TTN: variants seen among roughly 807,000 people sequenced by gnomAD.
TTN encodes the protein connectin.
A neutral mutation model predicts 3,223.0 loss-of-function variants in TTN; 1,525 were observed. The observed-to-expected ratio is 0.47, with a 90% CI of 0.45 to 0.49. The LOEUF is 0.49. Among genes scored for constraint, TTN ranks in the 20% least tolerant of loss-of-function variants. TTN has a pLI of 0.00. For missense variants in TTN, 40,786 were observed against 43,424.0 expected, an observed-to-expected ratio of 0.94 and a Z score of 5.40; for synonymous variants, 14,094 against 15,161.0, an observed-to-expected ratio of 0.93 and a Z score of 5.17.
Position 178,689,059 on chromosome 2 carries a change from G to T in TTN, c.32089C>A (p.Pro10697Thr), listed in dbSNP as rs762542716. Residue 10697 changes from proline (P) to threonine (T), a missense_variant, in exon 125 of 363, where the codon CCC becomes ACC. Transcript: ENST00000589042. ...PVPVAKKAPP[P>T]RAEVSKKTVV... ...GGATTGAGGCAAATCCTACCTCGGGGAGGAGGAGCTTTCTTAGCGACAGGA... is the reference window on the plus strand; with the variant it reads ...GGATTGAGGCAAATCCTACCTCGGGTAGGAGGAGCTTTCTTAGCGACAGGA... 6 of 1,609,376 alleles carry T rather than the reference G, an allele frequency of 3.7e-6. No individual in the cohort carries two copies. Among genetic ancestry groups the T allele is most frequent in the Non-Finnish European group, 5.1e-6 (6 of 1,178,542 alleles).
chr2:178,557,622 G>C (rs757249211), intron 328 of TTN, 26 bp downstream of exon 328: 5 of 1,612,636 alleles, frequency 3.1e-6, no homozygotes, highest in Non-Finnish European at 3.4e-6. Flanking sequence ...AGAAAACCTG[G>C]ATCTTTGAAA....
chr2:178,650,194 C>A lies in TTN; in HGVS notation c.39787G>T (p.Glu13263Ter), dbSNP rs867051092. Residue 13263 changes from glutamate to a stop codon, truncating the protein, a stop_gained, in exon 210 of 363, where the codon GAG becomes TAG. Transcript: ENST00000589042. LOFTEE classifies it high-confidence loss of function. ...EEEKPVPVAE[E>*]EEPEVPPPAV... ...GGAGGTGGAACCTCTGGTTCCTCCT[C>A]TTCTGCAACAGGAACTGGCTTTTCC... 1.9e-6 allele frequency: 3 copies of A among 1,593,710 alleles called. No homozygotes were observed. Among genetic ancestry groups the A allele is most frequent in the Non-Finnish European group, 1.7e-6 (2 of 1,168,882 alleles).
rs185201886 is a variant in TTN, at chr2:178,696,346, T to A, written c.30803-77A>T. On this transcript the variant is annotated intron_variant, in intron 113 of 362. Transcript: ENST00000589042. ...TTCACTAAACAAAAATCTACCTAGTTAAACAACATCAGTATTTCAGATCTA... is the reference window on the plus strand; with the variant it reads ...TTCACTAAACAAAAATCTACCTAGTAAAACAACATCAGTATTTCAGATCTA... 11 of 1,182,520 alleles carry A rather than the reference T, an allele frequency of 9.3e-6. No homozygotes were observed. In the African/African-American group the frequency reaches 1.1e-4, roughly 12 times the overall value. 73.3% of individuals were successfully genotyped at this position (1,182,520 alleles called of 1,614,324 possible).
chr2:178,770,937 C>T, intron 34 of TTN: 2 of 771,376 alleles, frequency 2.6e-6, no homozygotes, highest in Non-Finnish European at 4.5e-6. Context: ...GCATAATAGA[C>T]TGATTGGAGA....
intron 250 of TTN, 145 bp downstream of exon 250, chr2:178,619,476 G>A (rs1176226895): frequency 2.1e-6 from 2 of 975,534 alleles, no homozygotes; most frequent in Middle Eastern, 3.0e-4. Context: ...TTACTTTGTA[G>A]TGAGCAAAAT....
At chr2:178,700,974 C>CTAA (rs1361450204) in intron 111 of TTN, 146 bp downstream of exon 111, 2 of 537,896 alleles carry the variant, frequency 3.7e-6, no homozygotes, top group African/African-American at 3.8e-5. Flanking sequence ...ATTTAGTTAG[C>CTAA]TAATACTTTG....
rs368527444 is a variant in TTN at position 178,633,080 on chromosome 2, A to T, written c.43087-36T>A. ...TGAGGGTTAGAAGGAAAGAAAGAAC[A>T]TCATTTATATAGTTATTCCTACAAA... On this transcript the variant is annotated intron_variant, in intron 233 of 362. Coordinates refer to ENST00000589042, the MANE Select transcript of TTN (RefSeq NM_001267550.2). 4.1e-4 allele frequency: 652 copies of T among 1,605,646 alleles called. 6 individuals carry two copies. In the South Asian group the frequency reaches 6.4e-3, roughly 16 times the overall value.
chr2:178,794,784 T>G, intron 7 of TTN, 138 bp downstream of exon 7: 5 of 1,196,320 alleles, frequency 4.2e-6, no homozygotes, highest in Non-Finnish European at 4.8e-6. Context: ...ACTACTGAAT[T>G]TGGTCTTCAG....
chr2:178,758,579 A>T lies in TTN; in HGVS notation c.10303+405T>A, dbSNP rs1309969341. Among the ~76,000 whole-genome samples, 4 of 152,202 alleles carry T rather than the reference A, an allele frequency of 2.6e-5. 1 individual carries two copies. Among genetic ancestry groups the T allele is most frequent in the Middle Eastern group, 6.4e-3 (2 of 314 alleles). On this transcript the variant is annotated intron_variant, in intron 44 of 362. Transcript: ENST00000589042. ...AAACGGTCTAGCTTTTGTGAAATCA[A>T]AATTGTGTCAGCATGATAGGAGGAT...
chr2:178,740,997 A>G lies in TTN; in HGVS notation c.12236T>C (p.Ile4079Thr), dbSNP rs1380207275. The part of the protein sequence containing the change: ...QEIATFVKDT[I>T]LKAALITEEN... ...TTCTGTAATTAAAGCAGCTTTCAAA[A>G]TGGTGTCTTTTACAAACGTTGCAAT... The change falls in exon 48 of 363, where the codon ATT becomes ACT. Residue 4079 changes from isoleucine to threonine, a missense_variant. Ile to Thr is a moderately conservative substitution (Grantham distance 89). Coordinates refer to ENST00000589042, the MANE Select transcript of TTN (RefSeq NM_001267550.2). The G allele has an allele frequency of 6.2e-7, 1 of 1,613,824 alleles. No individual in the cohort carries two copies. The highest frequency in any genetic ancestry group is 1.3e-5 in the African/African-American group (1 of 74,932).
chr2:178,706,091 G>A (rs551239071), intron 102 of TTN, among the ~76,000 whole-genome samples: 1 of 152,248 alleles, frequency 6.6e-6, no homozygotes, highest in South Asian at 2.1e-4. Flanking sequence ...TCTGAATCTT[G>A]AGATGGATGG....
At position 178,739,441 on chromosome 2, in the gene TTN, C is replaced by G. The variant is rs572291971; in HGVS notation, c.13792G>C (p.Gly4598Arg). The change falls in exon 48 of 363, where the codon GGT (glycine) becomes CGT (arginine). Residue 4598 changes from glycine (G) to arginine (R), a missense_variant. Gly to Arg is a moderately radical substitution (Grantham distance 125). Transcript: ENST00000589042. The part of the protein sequence containing the change: ...VATVKIQEAE[G>R]GLIKEDGPMI... ...GGGCCATCCTCTTTGATTAAGCCACCCTCAGCTTCCTGTATCTTTACTGTA... is the reference window on the plus strand; with the variant it reads ...GGGCCATCCTCTTTGATTAAGCCACGCTCAGCTTCCTGTATCTTTACTGTA... 5.6e-6 allele frequency: 9 copies of G among 1,613,740 alleles called. No individual in the cohort carries two copies. The Admixed American group carries it at 1.5e-4, about 27-fold the overall frequency.
In TTN at chr2:178,721,894, G is replaced by T. The variant is rs1486219064; in HGVS notation, c.22769C>A (p.Thr7590Asn). 1 of 1,613,056 alleles carries T rather than the reference G, an allele frequency of 6.2e-7. No homozygotes were observed. The highest frequency in any genetic ancestry group is 8.5e-7 in the Non-Finnish European group (1 of 1,179,416). The change falls in exon 78 of 363, where the codon ACC becomes AAC. Residue 7590 changes from threonine to asparagine, a missense_variant. Transcript: ENST00000589042. ...GDSGQYTCQA[T>N]NDVGKDMCSA... ...GCACATGTCTTTGCCAACATCATTGGTTGCTTGGCAAGTATATTGACCAGA... is the reference window on the plus strand; with the variant it reads ...GCACATGTCTTTGCCAACATCATTGTTTGCTTGGCAAGTATATTGACCAGA...
chr2:178,769,080 A>G (rs1229986547), intron 37 of TTN, 147 bp from the exon 38 acceptor site: 10 of 905,410 alleles, frequency 1.1e-5, no homozygotes, highest in Non-Finnish European at 1.5e-5. Flanking sequence ...GATACCTTCC[A>G]TGTACTATAC....
rs397517487 is a variant in TTN, at chr2:178,730,712, T to C, written c.17821A>G (p.Ile5941Val). ...IKGSFIDLEC[I>V]VAGSHPISIQ... ...CTTATGGGATGTGACCCAGCCACTA[T>C]ACATTCTAAATCAATGAAAGAACCT... The change falls in exon 61 of 363, where the codon ATA becomes GTA. Residue 5941 changes from isoleucine (I) to valine (V), a missense_variant. By Grantham distance (29) the Ile-to-Val change is conservative. Transcript: ENST00000589042. 1.9e-5 allele frequency: 31 copies of C among 1,613,654 alleles called. No homozygotes were observed. In the African/African-American group the frequency reaches 2.3e-4, roughly 12 times the overall value.
In TTN at chr2:178,709,600, G is replaced by A. The variant is rs1227197407; in HGVS notation, c.28719C>T (p.Gly9573=). 4 of 1,613,742 alleles carry A rather than the reference G, an allele frequency of 2.5e-6. No homozygotes were observed. The highest frequency in any genetic ancestry group is 3.4e-6 in the Non-Finnish European group (4 of 1,179,660). ...LYTCKVSNDA[G]SALCTSSIVI... ...CGATTGAAGACGTGCACAGAGCAGA[G>A]CCTGCATCATTGGACACTTTGCATG... The change falls in exon 99 of 363, where the codon GGC becomes GGT. Residue 9573 remains glycine, a synonymous_variant. Coordinates refer to ENST00000589042, the MANE Select transcript of TTN (RefSeq NM_001267550.2).
chr2:178,633,742 G>T (rs1369568790), intron 231 of TTN, 66 bp from the exon 232 acceptor site: 31 of 1,604,868 alleles, frequency 1.9e-5, no homozygotes, highest in Admixed American at 3.5e-5. Flanking sequence ...AGAGTAAAAG[G>T]TTGCAAAATA....
rs991282929 is a variant in TTN, at chr2:178,635,733, C to G, written c.41609-18G>C. On this transcript the variant is annotated intron_variant, in intron 226 of 362. Coordinates refer to ENST00000589042, the MANE Select transcript of TTN (RefSeq NM_001267550.2). ...AATGACTTCTATATGAAAATAAGAT[C>G]AGAAAAAATGATTAAGGTCTGAACA... The G allele has an allele frequency of 6.3e-7, 1 of 1,575,478 alleles. No individual in the cohort carries two copies. Among genetic ancestry groups the G allele is most frequent in the Non-Finnish European group, 8.6e-7 (1 of 1,164,650 alleles).
rs780777388 is a variant in TTN, at chr2:178,675,937, C to T, written c.34437G>A (p.Glu11479=). Reference sequence around the variant, plus strand: ...TAGCAATACCTTTGGCAGGGGGAGCCTCCTCTTTCTTGGGAATGACCACTT... The same window carrying T: ...TAGCAATACCTTTGGCAGGGGGAGCTTCCTCTTTCTTGGGAATGACCACTT... The part of the protein sequence containing the change: ...EKKVVIPKKE[E]APPAKVSVVP... The change falls in exon 148 of 363, where the codon GAG becomes GAA. Residue 11479 remains glutamate (E), a synonymous_variant. Coordinates refer to ENST00000589042, the MANE Select transcript of TTN (RefSeq NM_001267550.2). 52 of 1,607,830 alleles carry T rather than the reference C, an allele frequency of 3.2e-5. No individual in the cohort carries two copies.
Sources: allele counts gnomAD v4.1 joint callset (sites outside exome capture counted in the v4.1 genomes callset), GRCh38; gene constraint gnomAD v4.1.1; transcripts MANE v1.5; gene names NCBI Gene and HGNC (gene_info 2026-07-23, HGNC 2026-07-21).